GPC5: variants seen among roughly 807,000 people sequenced by gnomAD.
GPC5 encodes the protein glypican 5, also known as glypican-5.
In GPC5, 47 loss-of-function variants were observed where a neutral mutation model predicts 53.9. The ratio of observed to expected loss-of-function variants is 0.87; its 90% CI spans 0.69 to 1.11. GPC5 has a LOEUF of 1.11. Ranked by LOEUF, GPC5 falls within the 50% of genes most tolerant of loss-of-function variation. The pLI is 0.00. For missense variants in GPC5, 748 were observed against 713.1 expected, an observed-to-expected ratio of 1.05 and a Z score of -0.56; for synonymous variants, 286 against 263.3, an observed-to-expected ratio of 1.09 and a Z score of -0.84.
chr13:92,764,018 G>A (rs1416385339), intron 7 of GPC5, among the ~76,000 whole-genome samples: 1 of 152,156 alleles, frequency 6.6e-6, no homozygotes, highest in Admixed American at 6.5e-5. Context: ...TTTGCCTGTA[G>A]GGCTGGGCTG....
chr13:92,426,868 A>G (rs1157486819), intron 7 of GPC5, among the ~76,000 whole-genome samples: 1 of 152,060 alleles, frequency 6.6e-6, no homozygotes, highest in African/African-American at 2.4e-5. Context: ...ACTTAACTGT[A>G]GAGAATTAAA....
At chr13:91,725,672 G>A (rs1201329533) in intron 3 of GPC5, among the ~76,000 whole-genome samples, 1 of 152,034 alleles carries the variant, frequency 6.6e-6, no homozygotes, top group Non-Finnish European at 1.5e-5. Context: ...GATGATAATG[G>A]GGATAAAGGT....
In GPC5 at chr13:91,610,314, G is replaced by C. The variant is rs919799116; in HGVS notation, c.326-82873G>C. Among the ~76,000 whole-genome samples the C allele has an allele frequency of 1.2e-4, 18 of 152,030 alleles. 1 individual carries two copies. The highest frequency in any genetic ancestry group is 4.4e-5 in the Non-Finnish European group (3 of 67,996). On this transcript the variant is annotated intron_variant, in intron 2 of 7. Transcript: ENST00000377067. ...ATGAAAAGAATTTATTGCTTGCTTT[G>C]GTTTTATTATTGTTTTTTGTTTTGT...
At chr13:91,830,612 G>T (rs1290786071) in intron 5 of GPC5, among the ~76,000 whole-genome samples, 1 of 151,290 alleles carries the variant, frequency 6.6e-6, no homozygotes, top group East Asian at 1.9e-4. Context: ...ACTAATAAAT[G>T]TCCATGAAAT....
Position 91,456,014 on chromosome 13 carries a change from G to A in GPC5, c.325+7092G>A, listed in dbSNP as rs181272641. On this transcript the variant is annotated intron_variant, in intron 2 of 7. Transcript: ENST00000377067. Reference sequence around the variant, plus strand: ...CCCTCCAACATCAATCCATGAAGCCGCCATTCTCAGCTCATTCTCTCTGGC... The same window carrying A: ...CCCTCCAACATCAATCCATGAAGCCACCATTCTCAGCTCATTCTCTCTGGC... 1.1e-3 allele frequency among the ~76,000 whole-genome samples: 171 copies of A among 152,086 alleles called. 1 individual carries two copies. Among genetic ancestry groups the A allele is most frequent in the Non-Finnish European group, 1.8e-3 (123 of 67,956 alleles).
chr13:91,439,044 G>T (rs896004537), intron 1 of GPC5, among the ~76,000 whole-genome samples: 2 of 152,208 alleles, frequency 1.3e-5, no homozygotes, highest in Non-Finnish European at 2.9e-5. Context: ...CTCACGCTGG[G>T]AGCTGTAGAC....
chr13:92,658,495 G>A (rs1227891301), intron 7 of GPC5, among the ~76,000 whole-genome samples: 2 of 152,166 alleles, frequency 1.3e-5, no homozygotes, highest in Non-Finnish European at 2.9e-5. Flanking sequence ...TTTGCCTCCC[G>A]TGTTTCCTCA....
chr13:92,087,345 T>C (rs896597536), intron 6 of GPC5, among the ~76,000 whole-genome samples: 10 of 152,206 alleles, frequency 6.6e-5, no homozygotes, highest in African/African-American at 2.4e-4. Flanking sequence ...CAAATCAAGA[T>C]TGAATCTGAT....
chr13:91,652,477 T>A (rs925458788), intron 2 of GPC5, among the ~76,000 whole-genome samples: 1 of 152,172 alleles, frequency 6.6e-6, no homozygotes, highest in Non-Finnish European at 1.5e-5. Context: ...GCTATTATTA[T>A]GTAAAATCAG....
rs901222055 is a variant in GPC5 at position 91,703,307 on chromosome 13, G to A, written c.1020+9426G>A. 3.9e-5 allele frequency among the ~76,000 whole-genome samples: 6 copies of A among 151,986 alleles called. No individual in the cohort carries two copies. In the East Asian group the frequency reaches 1.2e-3, roughly 29 times the overall value. ...CACTATTGAGTATAATGTTAGCTGT[G>A]GGATTGTGATATATGGCCCTTATTG... On this transcript the variant is annotated intron_variant, in intron 3 of 7. Coordinates refer to ENST00000377067, the MANE Select transcript of GPC5 (RefSeq NM_004466.6).
At chr13:92,284,054 A>G (rs760070152) in intron 7 of GPC5, among the ~76,000 whole-genome samples, 23 of 151,230 alleles carry the variant, frequency 1.5e-4, no homozygotes, top group Non-Finnish European at 3.0e-4. Context: ...GATAAAGGGG[A>G]TATCACCACT....
At chr13:92,719,845 C>T (rs1888455390) in intron 7 of GPC5, 2 of 152,130 alleles carry the variant, frequency 1.3e-5, no homozygotes, top group African/African-American at 4.8e-5. Context: ...AGCACTAGTA[C>T]AGGGATTTAT....
intron 4 of GPC5, among the ~76,000 whole-genome samples, chr13:91,749,462 C>T (rs548677): frequency 0.73 from 111,583 of 152,120 alleles, 41,006 homozygotes; most frequent in Middle Eastern, 0.82. Flanking sequence ...GTCTTTGTTT[C>T]TGTGAATAGT....
At chr13:92,076,521 G>A (rs1490394921) in intron 6 of GPC5, among the ~76,000 whole-genome samples, 3 of 151,488 alleles carry the variant, frequency 2.0e-5, no homozygotes, top group East Asian at 3.9e-4. Flanking sequence ...AAATAAAATT[G>A]GTAGCTCATT....
At chr13:92,685,543 CATT>C (rs1887238407) in intron 7 of GPC5, among the ~76,000 whole-genome samples, 1 of 65,032 alleles carries the variant, frequency 1.5e-5, no homozygotes, top group Non-Finnish European at 3.0e-5. Context: ...AAATTATGCT[CATT>C]TTTTTTTTTT....
intron 2 of GPC5, among the ~76,000 whole-genome samples, chr13:91,687,605 T>C (rs1475148630): frequency 6.6e-6 from 1 of 152,010 alleles, no homozygotes; most frequent in Non-Finnish European, 1.5e-5. Flanking sequence ...AGTAATTAGA[T>C]TGCACTTGCA....
chr13:92,175,995 T>A (rs1222443244), intron 7 of GPC5, among the ~76,000 whole-genome samples: 2 of 152,238 alleles, frequency 1.3e-5, no homozygotes, highest in African/African-American at 4.8e-5. Flanking sequence ...TTTATCTATA[T>A]CTAGCCAGAA....
In GPC5 at chr13:92,222,648, G is replaced by T. The variant is rs571534201; in HGVS notation, c.1561+77659G>T. ...ACCTTTGTTTTTCTTTGGGGTGTGT[G>T]TGTGGTTCTTTTCTGTAATCCTCCC... On this transcript the variant is annotated intron_variant, in intron 7 of 7. Transcript: ENST00000377067. Among the ~76,000 whole-genome samples the T allele has an allele frequency of 3.9e-5, 6 of 152,220 alleles. No individual in the cohort carries two copies. In the South Asian group the frequency reaches 1.2e-3, roughly 32 times the overall value.
At chr13:92,278,793 C>G (rs953968696) in intron 7 of GPC5, among the ~76,000 whole-genome samples, 14 of 151,970 alleles carry the variant, frequency 9.2e-5, no homozygotes, top group African/African-American at 3.1e-4. Flanking sequence ...CACTCCTCCC[C>G]CCGTTGACTT....
Sources: allele counts gnomAD v4.1 joint callset (sites outside exome capture counted in the v4.1 genomes callset), GRCh38; gene constraint gnomAD v4.1.1; transcripts MANE v1.5; gene names NCBI Gene and HGNC (gene_info 2026-07-23, HGNC 2026-07-21).